Variants in TSC22D1 observed in about 807,000 individuals in gnomAD.
TSC22D1 encodes the protein TSC22 domain family member 1.
Under a neutral mutation model 74.2 loss-of-function variants are expected in TSC22D1, and 9 were observed. The observed-to-expected ratio is 0.12, with a 90% CI of 0.07 to 0.21. TSC22D1 has a LOEUF of 0.21. TSC22D1 is among the 10% of genes least tolerant of loss of function. TSC22D1 has a pLI of 1.00. For missense variants in TSC22D1, 1,427 were observed against 1,304.7 expected, an observed-to-expected ratio of 1.09 and a Z score of -1.44; for synonymous variants, 586 against 492.5, an observed-to-expected ratio of 1.19 and a Z score of -2.51.
At chr13:44,546,978 T>C (rs1881869993) in intron 1 of TSC22D1, among the ~76,000 whole-genome samples, 1 of 152,018 alleles carries the variant, frequency 6.6e-6, no homozygotes. Flanking sequence ...CCCAGGCTGG[T>C]CTTGAACTCC....
intron 1 of TSC22D1, among the ~76,000 whole-genome samples, chr13:44,519,565 A>G (rs1222377834): frequency 6.6e-6 from 1 of 152,202 alleles, no homozygotes; most frequent in Non-Finnish European, 1.5e-5. Flanking sequence ...AAAGTGGTCA[A>G]AGGTAAGACT....
chr13:44,444,567 T>G (rs537608540), intron 1 of TSC22D1, among the ~76,000 whole-genome samples: 1 of 152,064 alleles, frequency 6.6e-6, no homozygotes, highest in South Asian at 2.1e-4. Flanking sequence ...AAGAATATTA[T>G]AAAGAATAAA....
intron 1 of TSC22D1, among the ~76,000 whole-genome samples, chr13:44,482,752 A>G (rs1348594541): frequency 6.6e-6 from 1 of 152,208 alleles, no homozygotes; most frequent in Admixed American, 6.5e-5. Flanking sequence ...TATAGGTTTC[A>G]TTACCAAAAA....
chr13:44,543,366 T>C (rs937574525), intron 1 of TSC22D1, among the ~76,000 whole-genome samples: 13 of 152,236 alleles, frequency 8.5e-5, no homozygotes, highest in Non-Finnish European at 1.5e-4. Flanking sequence ...TGATTTCTAC[T>C]CAAATGTGCT....
chr13:44,512,259 T>C (rs1879761658), intron 1 of TSC22D1, among the ~76,000 whole-genome samples: 1 of 152,164 alleles, frequency 6.6e-6, no homozygotes, highest in African/African-American at 2.4e-5. Context: ...AAGCTCCGCC[T>C]CCCAGGTTCA....
chr13:44,509,950 CAAAAAAA>C, intron 1 of TSC22D1, among the ~76,000 whole-genome samples: 2 of 51,432 alleles, frequency 3.9e-5, no homozygotes, highest in East Asian at 5.7e-4. Flanking sequence ...AGAAAATAAG[CAAAAAAA>C]AAAAAAAAAA....
At chr13:44,506,383 C>A (rs1474121296) in intron 1 of TSC22D1, among the ~76,000 whole-genome samples, 2 of 152,122 alleles carry the variant, frequency 1.3e-5, no homozygotes, top group Non-Finnish European at 2.9e-5. Context: ...AATGCAGGAA[C>A]AGAAAACCAA....
Position 44,507,540 on chromosome 13 carries a change from T to C in TSC22D1, c.2912+65623A>G, listed in dbSNP as rs531545410. 5.3e-5 allele frequency among the ~76,000 whole-genome samples: 8 copies of C among 151,972 alleles called. No individual in the cohort carries two copies. In the South Asian group the frequency reaches 1.5e-3, roughly 28 times the overall value. On this transcript the variant is annotated intron_variant, in intron 1 of 2. Transcript: ENST00000458659. ...AGCCCCCTATAGCTAACACAGGAGA[T>C]GGATTTAAAGTACACAAAATACTAT...
Position 44,442,233 on chromosome 13 carries a change from A to G in TSC22D1, c.2913-6138T>C, listed in dbSNP as rs549423025. ...AAAACAAAGCTCAAGAATATTTAAT[A>G]AAGTCTCTAGCATCCAATAATTCAC... On this transcript the variant is annotated intron_variant, in intron 1 of 2. Coordinates refer to ENST00000458659, the MANE Select transcript of TSC22D1 (RefSeq NM_183422.4). Among the ~76,000 whole-genome samples the G allele has an allele frequency of 5.3e-5, 8 of 152,370 alleles. No individual in the cohort carries two copies. In the East Asian group the frequency reaches 1.5e-3, roughly 29 times the overall value.
At chr13:44,456,135 G>C (rs551199352) in intron 1 of TSC22D1, among the ~76,000 whole-genome samples, 21 of 152,298 alleles carry the variant, frequency 1.4e-4, no homozygotes, top group South Asian at 6.2e-4. Flanking sequence ...GTGGACCCTC[G>C]CAGTGAGTGT....
intron 1 of TSC22D1, among the ~76,000 whole-genome samples, chr13:44,558,337 T>A (rs916658267): frequency 3.3e-5 from 5 of 152,284 alleles, no homozygotes; most frequent in Middle Eastern, 3.4e-3. Context: ...GTAAAAAAAA[T>A]TTTTGAATCA....
rs148860221 is a variant in TSC22D1 at position 44,492,626 on chromosome 13, G to A, written c.2913-56531C>T. Among the ~76,000 whole-genome samples, 4 of 152,078 alleles carry A rather than the reference G, an allele frequency of 2.6e-5. No homozygotes were observed. The East Asian group carries it at 5.8e-4, about 22-fold the overall frequency. ...TTTGGAGTCTGCTTTGTTTTAAAAC[G>A]CAGAAATATAAGCTCCCCCCTCCAA... On this transcript the variant is annotated intron_variant, in intron 1 of 2. Transcript: ENST00000458659.
At chr13:44,568,091 A>G (rs137974020) in intron 1 of TSC22D1, among the ~76,000 whole-genome samples, 2 of 152,118 alleles carry the variant, frequency 1.3e-5, no homozygotes, top group African/African-American at 4.8e-5. Context: ...GGCACAAAAT[A>G]TAAGAGAACA....
intron 1 of TSC22D1, among the ~76,000 whole-genome samples, chr13:44,450,342 C>A (rs562603291): frequency 6.6e-6 from 1 of 152,258 alleles, no homozygotes; most frequent in Non-Finnish European, 1.5e-5. Flanking sequence ...CAGGCTGGGG[C>A]CTCACAGGCC....
intron 1 of TSC22D1, among the ~76,000 whole-genome samples, chr13:44,524,120 AT>A (rs1344202310): frequency 6.6e-6 from 1 of 152,198 alleles, no homozygotes; most frequent in Non-Finnish European, 1.5e-5. Flanking sequence ...ATCAAATTAA[AT>A]AACTGTAATG....
chr13:44,441,177 TGG>T (rs1201906976), intron 1 of TSC22D1, among the ~76,000 whole-genome samples: 1 of 152,164 alleles, frequency 6.6e-6, no homozygotes, highest in Admixed American at 6.5e-5. Context: ...GGACTGCTGC[TGG>T]ACAAGCCCAA....
At chr13:44,499,368 T>C (rs1001234923) in intron 1 of TSC22D1, among the ~76,000 whole-genome samples, 1 of 152,206 alleles carries the variant, frequency 6.6e-6, no homozygotes, top group Non-Finnish European at 1.5e-5. Context: ...TATCTCAGGA[T>C]TTCCTTGATG....
intron 1 of TSC22D1, among the ~76,000 whole-genome samples, chr13:44,510,064 G>C (rs1404635255): frequency 1.3e-5 from 2 of 150,002 alleles, no homozygotes; most frequent in African/African-American, 4.9e-5. Flanking sequence ...AAAGGAACTT[G>C]TCAGCATATA....
intron 1 of TSC22D1, chr13:44,436,334 T>TC (rs1296451488): frequency 2.0e-6 from 2 of 1,011,344 alleles, no homozygotes; most frequent in African/African-American, 3.2e-5. Context: ...GAAAGCCTGT[T>TC]CTCTGGCCAG....
Sources: gnomAD v4.1 joint callset for allele counts (sites outside exome capture counted in the v4.1 genomes callset) on GRCh38, gnomAD v4.1.1 for gene constraint, MANE v1.5 for transcripts, NCBI Gene and HGNC (gene_info 2026-07-23, HGNC 2026-07-21) for gene names.